Variants in MSH3 observed in about 807,000 individuals in gnomAD.
MSH3 encodes the protein mutS homolog 3, also known as DNA mismatch repair protein Msh3.
A neutral mutation model predicts 123.3 loss-of-function variants in MSH3; 106 were observed. The observed-to-expected ratio is 0.86, with a 90% CI of 0.73 to 1.01. The LOEUF (loss-of-function observed/expected upper bound fraction) is 1.01. Ranked by LOEUF, MSH3 falls within the 50% of genes least tolerant of loss-of-function variation. The probability of loss-of-function intolerance (pLI) is 0.00; values close to 1 mark genes in which losing one functional copy is unlikely to be tolerated. For missense variants in MSH3, 1,459 were observed against 1,347.6 expected (o/e 1.08, Z -1.29); for synonymous variants, 515 against 481.4 (o/e 1.07, Z -0.91).
At chr5:80,708,228 G>A (rs1750764210) in intron 8 of MSH3, among the ~76,000 whole-genome samples, 1 of 152,020 alleles carries the variant, frequency 6.6e-6, no homozygotes, top group African/African-American at 2.4e-5. Flanking sequence ...CCAACATCAT[G>A]AACATTTTCT....
chr5:80,658,926 C>G (rs1297488288), intron 2 of MSH3, among the ~76,000 whole-genome samples: 1 of 152,040 alleles, frequency 6.6e-6, no homozygotes, highest in Non-Finnish European at 1.5e-5. Context: ...TTTCTAATAA[C>G]AGAATTATTA....
At chr5:80,722,498 T>A (rs1473999468) in intron 8 of MSH3, among the ~76,000 whole-genome samples, 1 of 152,224 alleles carries the variant, frequency 6.6e-6, no homozygotes, top group Non-Finnish European at 1.5e-5. Context: ...CTACTAATTT[T>A]CATTATAGCA....
chr5:80,683,545 G>A (rs1646152884), intron 8 of MSH3, among the ~76,000 whole-genome samples: 1 of 152,032 alleles, frequency 6.6e-6, no homozygotes, highest in Non-Finnish European at 1.5e-5. Context: ...TTTTTAAATT[G>A]GATAATTAGA....
intron 2 of MSH3, among the ~76,000 whole-genome samples, chr5:80,663,780 TA>T (rs1466613063): frequency 7.2e-6 from 1 of 138,538 alleles, no homozygotes; most frequent in Non-Finnish European, 1.6e-5. Flanking sequence ...AATTTTAAAC[TA>T]TTTTTTTTGA....
chr5:80,707,180 C>G (rs1216982306), intron 8 of MSH3, among the ~76,000 whole-genome samples: 1 of 152,250 alleles, frequency 6.6e-6, no homozygotes, highest in African/African-American at 2.4e-5. Context: ...AATGCCTATG[C>G]AATTCACCCA....
At chr5:80,746,689 G>T in intron 12 of MSH3, 1 of 342,126 alleles carries the variant, frequency 2.9e-6, no homozygotes, top group Non-Finnish European at 6.0e-6. Context: ...AACTTTGGTA[G>T]AGGAGCTGGG....
At chr5:80,704,849 T>C (rs1750683653) in intron 8 of MSH3, among the ~76,000 whole-genome samples, 1 of 152,192 alleles carries the variant, frequency 6.6e-6, no homozygotes, top group Admixed American at 6.5e-5. Flanking sequence ...GTCTTGCCCT[T>C]GTCCCTCGCT....
At chr5:80,693,814 C>T (rs879318582) in intron 8 of MSH3, among the ~76,000 whole-genome samples, 7 of 152,036 alleles carry the variant, frequency 4.6e-5, no homozygotes, top group South Asian at 2.1e-4. Context: ...TGTGTCACCA[C>T]GCCTGGCTAA....
At chr5:80,763,146 C>A (rs1290511828) in intron 13 of MSH3, among the ~76,000 whole-genome samples, 2 of 152,182 alleles carry the variant, frequency 1.3e-5, no homozygotes, top group African/African-American at 4.8e-5. Flanking sequence ...TGCGCCCAGC[C>A]AATATGCCTA....
intron 16 of MSH3, among the ~76,000 whole-genome samples, chr5:80,778,039 TAGTA>T (rs2112006787): frequency 6.6e-6 from 1 of 152,314 alleles, no homozygotes; most frequent in Non-Finnish European, 1.5e-5. Context: ...ATCACATAGC[TAGTA>T]AGTAAGTGGC....
intron 8 of MSH3, among the ~76,000 whole-genome samples, chr5:80,682,006 A>T (rs1317738962): frequency 6.6e-6 from 1 of 152,168 alleles, no homozygotes. Context: ...ATGTTTACTG[A>T]CCGTGTGTAA....
intron 18 of MSH3, among the ~76,000 whole-genome samples, chr5:80,790,934 C>T (rs1017586840): frequency 1.3e-5 from 2 of 152,074 alleles, no homozygotes; most frequent in Non-Finnish European, 2.9e-5. Flanking sequence ...CAGAAAATAT[C>T]CTAGGTGAAT....
At chr5:80,769,885 TAAG>T (rs1012553856) in intron 15 of MSH3, among the ~76,000 whole-genome samples, 2 of 152,132 alleles carry the variant, frequency 1.3e-5, no homozygotes, top group Non-Finnish European at 2.9e-5. Flanking sequence ...TTATTTGAAA[TAAG>T]AAGCTCTACA....
intron 17 of MSH3, among the ~76,000 whole-genome samples, chr5:80,785,808 G>C (rs932520223): frequency 3.9e-5 from 6 of 152,122 alleles, no homozygotes; most frequent in African/African-American, 1.4e-4. Flanking sequence ...ATACTATGCA[G>C]CCATAAAAAA....
chr5:80,763,388 G>A (rs1744075059), intron 13 of MSH3, among the ~76,000 whole-genome samples: 1 of 152,184 alleles, frequency 6.6e-6, no homozygotes, highest in Admixed American at 6.5e-5. Flanking sequence ...TGGGGCCGGG[G>A]AGCCTATTGC....
chr5:80,661,361 T>G (rs1749430332), intron 2 of MSH3, among the ~76,000 whole-genome samples: 1 of 152,204 alleles, frequency 6.6e-6, no homozygotes, highest in Non-Finnish European at 1.5e-5. Context: ...CTCTTTGTAC[T>G]TCATTGTGGA....
intron 20 of MSH3, among the ~76,000 whole-genome samples, chr5:80,849,788 A>C (rs1745797147): frequency 6.6e-6 from 1 of 152,052 alleles, no homozygotes; most frequent in African/African-American, 2.4e-5. Flanking sequence ...GACCTCTGAC[A>C]TGCCTGGAGA....
chr5:80,875,428 C>A (rs548431294), intron 23 of MSH3, among the ~76,000 whole-genome samples: 4 of 151,832 alleles, frequency 2.6e-5, no homozygotes, highest in African/African-American at 9.7e-5. Context: ...AGTTTCTTTT[C>A]TCCAGGTACA....
At chr5:80,746,375 G>C in intron 12 of MSH3, 1 of 406,870 alleles carries the variant, frequency 2.5e-6, no homozygotes, top group South Asian at 1.9e-5. Context: ...TGGCATACCT[G>C]GGTTTCCTCT....
Sources: allele counts gnomAD v4.1 joint callset (sites outside exome capture counted in the v4.1 genomes callset), GRCh38; gene constraint gnomAD v4.1.1; transcripts MANE v1.5; gene names NCBI Gene and HGNC (gene_info 2026-07-23, HGNC 2026-07-21).